RARB: variants seen among roughly 807,000 people sequenced by gnomAD.
RARB encodes the protein retinoic acid receptor beta, also known as HBV-activated protein.
In RARB, 17 loss-of-function variants were observed where a neutral mutation model predicts 51.9. That is an observed-to-expected ratio of 0.33 (90% CI 0.22 to 0.49). RARB has a LOEUF of 0.49. Ranked by LOEUF, RARB falls within the 20% of genes least tolerant of loss-of-function variation. The pLI, the probability that RARB is intolerant of heterozygous loss-of-function variation, is 0.99. For missense variants in RARB, 369 were observed against 550.8 expected (o/e 0.67, Z 3.30); for synonymous variants, 215 against 195.4 (o/e 1.10, Z -0.84).
In RARB at chr3:24,842,810, A is replaced by G. The variant is rs573826517; in HGVS notation, c.-459+13407A>G. ...TGAAGTCAAATTGATTAGAGGAAACAATAAACATAATTCTTTAACCATGAA... is the reference window on the plus strand; with the variant it reads ...TGAAGTCAAATTGATTAGAGGAAACGATAAACATAATTCTTTAACCATGAA... On this transcript the variant is annotated intron_variant, in intron 1 of 11. Transcript: ENST00000383772. Among the ~76,000 whole-genome samples the G allele has an allele frequency of 9.5e-4, 144 of 152,354 alleles. 3 individuals are homozygous for G. Among genetic ancestry groups the G allele is most frequent in the Non-Finnish European group, 3.1e-4 (21 of 68,032 alleles).
At chr3:24,884,208 C>G (rs1437254909) in intron 2 of RARB, among the ~76,000 whole-genome samples, 1 of 152,182 alleles carries the variant, frequency 6.6e-6, no homozygotes, top group Non-Finnish European at 1.5e-5. Context: ...AATGTTAATG[C>G]CAGTGTCCTG....
intron 5 of RARB, among the ~76,000 whole-genome samples, chr3:25,187,940 C>G (rs1186546667): frequency 6.6e-6 from 1 of 151,982 alleles, no homozygotes; most frequent in Non-Finnish European, 1.5e-5. Context: ...AGACAACCTT[C>G]CTGGCTAATA....
chr3:25,398,903 A>T (rs561093541), intron 5 of RARB, among the ~76,000 whole-genome samples: 4 of 152,186 alleles, frequency 2.6e-5, no homozygotes, highest in African/African-American at 7.2e-5. Context: ...ATACCTATGT[A>T]ATTTTAGATC....
chr3:25,449,899 A>C (rs935030132), intron 1 of RARB, among the ~76,000 whole-genome samples: 5 of 151,870 alleles, frequency 3.3e-5, no homozygotes, highest in Non-Finnish European at 7.4e-5. Context: ...TTACAGGCGC[A>C]CGCCACCACA....
At chr3:25,424,135 C>T (rs1486477799), upstream of RARB, among the ~76,000 whole-genome samples, 1 of 152,184 alleles carries the variant, frequency 6.6e-6, no homozygotes, top group Non-Finnish European at 1.5e-5. Context: ...AAATGAAGGA[C>T]ACGGTGGCCA....
chr3:25,576,030 T>G (rs1035597425), intron 4 of RARB, among the ~76,000 whole-genome samples: 1 of 151,968 alleles, frequency 6.6e-6, no homozygotes, highest in African/African-American at 2.4e-5. Context: ...CTGTAGGCAC[T>G]GTGCTAAGTA....
chr3:25,502,008 G>A (rs563114209), intron 3 of RARB, among the ~76,000 whole-genome samples: 1 of 152,318 alleles, frequency 6.6e-6, no homozygotes, highest in South Asian at 2.1e-4. Flanking sequence ...TATTTGATGT[G>A]TACAAATGTA....
chr3:25,078,588 G>A (rs1290667410), intron 3 of RARB, among the ~76,000 whole-genome samples: 10 of 150,602 alleles, frequency 6.6e-5, no homozygotes, highest in Admixed American at 6.0e-4. Flanking sequence ...CCAGGCTGGA[G>A]TGCAGTGGCA....
chr3:25,439,826 A>T (rs1277175546), intron 1 of RARB, among the ~76,000 whole-genome samples: 14 of 152,220 alleles, frequency 9.2e-5, no homozygotes, highest in Admixed American at 9.2e-4. Context: ...CAGGTGGACA[A>T]ATTGAAGTGA....
intron 2 of RARB, among the ~76,000 whole-genome samples, chr3:24,998,738 T>G (rs1256708114): frequency 6.6e-6 from 1 of 152,182 alleles, no homozygotes; most frequent in African/African-American, 2.4e-5. Context: ...ACTCAGCTAG[T>G]TCTTACATGT....
At chr3:25,227,172 A>G (rs947034168) in intron 5 of RARB, among the ~76,000 whole-genome samples, 1 of 152,224 alleles carries the variant, frequency 6.6e-6, no homozygotes, top group African/African-American at 2.4e-5. Context: ...GGAGGTAAAT[A>G]TGTTTGCTGA....
At chr3:24,844,046 T>C (rs1000516889) in intron 1 of RARB, among the ~76,000 whole-genome samples, 47 of 152,126 alleles carry the variant, frequency 3.1e-4, no homozygotes, top group African/African-American at 1.1e-3. Flanking sequence ...AAATGTTTAT[T>C]GAGTGAAATA....
chr3:25,065,994 T>G (rs9872937), intron 3 of RARB, among the ~76,000 whole-genome samples: 160 of 152,264 alleles, frequency 1.1e-3, no homozygotes, highest in African/African-American at 3.8e-3. Flanking sequence ...TGCAGAAATG[T>G]GCATTTTTTT....
chr3:25,330,777 TG>T (rs1704869763), intron 5 of RARB, among the ~76,000 whole-genome samples: 2 of 152,112 alleles, frequency 1.3e-5, no homozygotes, highest in Non-Finnish European at 2.9e-5. Context: ...CCATCTCACG[TG>T]CAGAGACACA....
intron 2 of RARB, among the ~76,000 whole-genome samples, chr3:24,915,235 T>C (rs1447493807): frequency 3.3e-5 from 5 of 152,208 alleles, no homozygotes; most frequent in Non-Finnish European, 5.9e-5. Context: ...AACAGAAATG[T>C]GATATAAGTC....
upstream of RARB, among the ~76,000 whole-genome samples, chr3:25,424,652 C>T (rs1324901996): frequency 3.3e-5 from 5 of 152,174 alleles, no homozygotes; most frequent in South Asian, 6.2e-4. Context: ...CTGTGTCTGC[C>T]TGCACTTTGC....
chr3:25,258,785 A>G (rs1702928359), intron 5 of RARB, among the ~76,000 whole-genome samples: 1 of 152,114 alleles, frequency 6.6e-6, no homozygotes, highest in Non-Finnish European at 1.5e-5. Context: ...AGCAGCAGGC[A>G]CCTGCAAAAG....
intron 4 of RARB, among the ~76,000 whole-genome samples, chr3:25,157,325 G>A (rs181988261): frequency 2.2e-4 from 33 of 149,326 alleles, no homozygotes; most frequent in South Asian, 1.1e-3. Flanking sequence ...TCCTTAGTGC[G>A]AGGCACAGTT....
chr3:25,593,120 A>T (rs1701675751), intron 5 of RARB, among the ~76,000 whole-genome samples: 1 of 151,954 alleles, frequency 6.6e-6, no homozygotes. Context: ...ATAAATTGTC[A>T]TTTATTGCAG....
Sources: allele counts gnomAD v4.1 joint callset (sites outside exome capture counted in the v4.1 genomes callset), GRCh38; gene constraint gnomAD v4.1.1; transcripts MANE v1.5; gene names NCBI Gene and HGNC (gene_info 2026-07-23, HGNC 2026-07-21).